Variants in SGCZ observed in about 807,000 individuals in gnomAD.
SGCZ encodes the protein sarcoglycan zeta.
SGCZ carries 40 observed loss-of-function variants against 41.3 expected under a neutral mutation model. That is an observed-to-expected ratio of 0.97 (90% CI 0.75 to 1.26). The LOEUF is 1.26. Among genes scored for constraint, SGCZ ranks in the 50% most tolerant of loss-of-function variants. The pLI is 0.00. For synonymous variants in SGCZ, 206 were observed against 137.5 expected (o/e 1.50, Z -3.49); for missense variants, 552 against 369.8 (o/e 1.49, Z -4.04).
At chr8:15,161,547 C>T (rs1406174689) in intron 1 of SGCZ, among the ~76,000 whole-genome samples, 1 of 152,102 alleles carries the variant, frequency 6.6e-6, no homozygotes, top group African/African-American at 2.4e-5. Context: ...CCAGTAGGTG[C>T]TTAATGGGTC....
intron 4 of SGCZ, among the ~76,000 whole-genome samples, chr8:14,198,208 T>G (rs887951675): frequency 6.6e-6 from 1 of 152,200 alleles, no homozygotes; most frequent in African/African-American, 2.4e-5. Flanking sequence ...GTCAGCCGTT[T>G]GTCTAGCATC....
At chr8:15,047,920 G>C (rs149289815) in intron 1 of SGCZ, among the ~76,000 whole-genome samples, 7 of 152,068 alleles carry the variant, frequency 4.6e-5, no homozygotes, top group African/African-American at 1.4e-4. Context: ...ATGGAAAACC[G>C]TATGGAGGTT....
chr8:14,088,199 G>A lies in SGCZ; in HGVS notation c.*2244C>T, dbSNP rs1420091437. On this transcript the variant is annotated 3_prime_UTR_variant, in exon 8 of 8. Transcript: ENST00000382080. The stretch of plus-strand genomic sequence containing the variant: ...AAATTAGAACATGTTGGAACAGAAA[G>A]GAACCCCAAGAGACTATTTTATTCA... 6.6e-6 allele frequency among the ~76,000 whole-genome samples: 1 copy of A among 151,528 alleles called. No individual in the cohort carries two copies. The highest frequency in any genetic ancestry group is 2.1e-4 in the South Asian group (1 of 4,826).
At chr8:14,196,542 T>C (rs1207167307) in intron 4 of SGCZ, among the ~76,000 whole-genome samples, 1 of 152,188 alleles carries the variant, frequency 6.6e-6, no homozygotes, top group African/African-American at 2.4e-5. Context: ...TAGCTATCAA[T>C]GCAAGAGAAA....
chr8:15,003,537 C>G lies in SGCZ; in HGVS notation c.39+234048G>C, dbSNP rs62495392. ...AACACTGCAAAATAAGTTAGTCAAACCATACAATTAAAAAGTAGAAAATGG... is the reference window on the plus strand; with the variant it reads ...AACACTGCAAAATAAGTTAGTCAAAGCATACAATTAAAAAGTAGAAAATGG... On this transcript the variant is annotated intron_variant, in intron 1 of 7. Transcript: ENST00000382080. Among the ~76,000 whole-genome samples the G allele has an allele frequency of 2.9e-3, 444 of 152,012 alleles. 6 individuals are homozygous for G. The highest frequency in any genetic ancestry group is 0.01 in the African/African-American group (422 of 41,482).
chr8:14,353,184 T>A (rs1284722279), intron 2 of SGCZ, among the ~76,000 whole-genome samples: 1 of 152,100 alleles, frequency 6.6e-6, no homozygotes, highest in Non-Finnish European at 1.5e-5. Flanking sequence ...CTGTTCCTCT[T>A]CATGGAGTTG....
In SGCZ at chr8:14,443,511, T is replaced by C. The variant is rs538472045; in HGVS notation, c.234+111221A>G. 6.8e-3 allele frequency among the ~76,000 whole-genome samples: 1,031 copies of C among 152,080 alleles called. 5 individuals carry two copies. Among genetic ancestry groups the C allele is most frequent in the South Asian group, 0.026 (125 of 4,800 alleles). Reference sequence around the variant, plus strand: ...GAGCCCTCAGAAATAACACCGCATATCTACAACTATCTGATCTTTGACAAA... The same window carrying C: ...GAGCCCTCAGAAATAACACCGCATACCTACAACTATCTGATCTTTGACAAA... On this transcript the variant is annotated intron_variant, in intron 2 of 7. Coordinates refer to ENST00000382080, the MANE Select transcript of SGCZ (RefSeq NM_139167.4).
chr8:14,182,612 G>A (rs991272055), intron 4 of SGCZ, among the ~76,000 whole-genome samples: 2 of 151,678 alleles, frequency 1.3e-5, no homozygotes, highest in South Asian at 2.1e-4. Context: ...CAATGTAGAT[G>A]GAAAAAATAA....
intron 1 of SGCZ, among the ~76,000 whole-genome samples, chr8:14,980,446 A>T (rs1801623808): frequency 6.6e-6 from 1 of 152,314 alleles, no homozygotes; most frequent in Middle Eastern, 3.4e-3. Flanking sequence ...AGAAATATCT[A>T]TCTATCTGTG....
At chr8:14,930,451 A>G (rs992092858) in intron 1 of SGCZ, among the ~76,000 whole-genome samples, 3 of 152,064 alleles carry the variant, frequency 2.0e-5, no homozygotes, top group Admixed American at 1.3e-4. Flanking sequence ...ATCTAGAACT[A>G]GAAATACCAT....
At chr8:14,313,698 A>T (rs1257540749) in intron 3 of SGCZ, among the ~76,000 whole-genome samples, 1 of 152,130 alleles carries the variant, frequency 6.6e-6, no homozygotes, top group Non-Finnish European at 1.5e-5. Context: ...GAATTTAAAG[A>T]TATGTAATAT....
chr8:15,105,574 C>A (rs767010248), intron 1 of SGCZ, among the ~76,000 whole-genome samples: 2 of 152,164 alleles, frequency 1.3e-5, no homozygotes, highest in Middle Eastern at 3.4e-3. Context: ...ATCATGAGAA[C>A]AGGAGGTAGA....
chr8:15,016,884 G>C (rs1803059054), intron 1 of SGCZ, among the ~76,000 whole-genome samples: 1 of 152,048 alleles, frequency 6.6e-6, no homozygotes, highest in Admixed American at 6.6e-5. Flanking sequence ...GAGAGAGAGA[G>C]AGAAATGATG....
At chr8:14,848,544 A>C (rs1054538455) in intron 1 of SGCZ, among the ~76,000 whole-genome samples, 4 of 152,228 alleles carry the variant, frequency 2.6e-5, no homozygotes, top group African/African-American at 4.8e-5. Flanking sequence ...GATTAGATAT[A>C]GACCCACACA....
chr8:14,949,887 C>G (rs183801666), intron 1 of SGCZ, among the ~76,000 whole-genome samples: 24 of 152,122 alleles, frequency 1.6e-4, no homozygotes, highest in Non-Finnish European at 2.8e-4. Flanking sequence ...AAGAGTTTGG[C>G]AAAAGATCGG....
At chr8:15,086,038 C>T (rs1805935859) in intron 1 of SGCZ, among the ~76,000 whole-genome samples, 1 of 152,102 alleles carries the variant, frequency 6.6e-6, no homozygotes, top group East Asian at 1.9e-4. Flanking sequence ...GCTTCTAGAG[C>T]CTGGTGATTT....
chr8:14,344,579 T>A (rs530794085), intron 2 of SGCZ, among the ~76,000 whole-genome samples: 7 of 151,640 alleles, frequency 4.6e-5, no homozygotes, highest in Non-Finnish European at 1.0e-4. Context: ...CTCTACACAA[T>A]GCAAAAGAGA....
intron 4 of SGCZ, among the ~76,000 whole-genome samples, chr8:14,198,930 C>T (rs576775202): frequency 6.6e-5 from 10 of 152,242 alleles, no homozygotes; most frequent in African/African-American, 2.2e-4. Flanking sequence ...CTGTCATCTT[C>T]GTAAGCTGAG....
intron 2 of SGCZ, among the ~76,000 whole-genome samples, chr8:14,415,288 T>C (rs1799464640): frequency 6.6e-6 from 1 of 151,904 alleles, no homozygotes; most frequent in Admixed American, 6.6e-5. Context: ...AATACAAAAA[T>C]TGTTTATCAC....
Sources: allele counts gnomAD v4.1 joint callset (sites outside exome capture counted in the v4.1 genomes callset), GRCh38; gene constraint gnomAD v4.1.1; transcripts MANE v1.5; gene names NCBI Gene and HGNC (gene_info 2026-07-23, HGNC 2026-07-21).